CEMIP2: variants seen among roughly 807,000 people sequenced by gnomAD.
CEMIP2 encodes cell surface hyaluronidase CEMIP2.
Under a neutral mutation model 146.9 loss-of-function variants are expected in CEMIP2, and 79 were observed. The observed-to-expected ratio is 0.54, with a 90% CI of 0.45 to 0.65. The LOEUF is 0.65. Among genes scored for constraint, CEMIP2 ranks in the 30% least tolerant of loss-of-function variants. CEMIP2 has a pLI of 0.00. For missense variants in CEMIP2, 1,596 were observed against 1,696.2 expected, an observed-to-expected ratio of 0.94 and a Z score of 1.04; for synonymous variants, 601 against 606.3, an observed-to-expected ratio of 0.99 and a Z score of 0.13.
chr9:71,769,108 C>A (rs183792267), upstream of CEMIP2, among the ~76,000 whole-genome samples: 5 of 152,158 alleles, frequency 3.3e-5, no homozygotes, highest in East Asian at 3.9e-4. Flanking sequence ...CCAGCGCCCC[C>A]CGCTGCGGCT....
intron 16 of CEMIP2, 149 bp downstream of exon 16, chr9:71,711,934 G>C (rs1419603693): frequency 2.7e-6 from 2 of 748,128 alleles, no homozygotes; most frequent in African/African-American, 1.8e-5. Context: ...ATGGGAGAGA[G>C]TGCATGGAAT....
intron 11 of CEMIP2, among the ~76,000 whole-genome samples, chr9:71,723,974 T>C (rs1823314162): frequency 6.6e-6 from 1 of 152,186 alleles, no homozygotes; most frequent in Non-Finnish European, 1.5e-5. Flanking sequence ...ATATTCTTAT[T>C]AATTGAGTAA....
chr9:71,761,018 A>G (rs1188450421), intron 1 of CEMIP2, among the ~76,000 whole-genome samples: 1 of 152,174 alleles, frequency 6.6e-6, no homozygotes, highest in Non-Finnish European at 1.5e-5. Flanking sequence ...CCTTGTTCTC[A>G]ACTGGCTGGG....
chr9:71,705,907 G>A (rs984094183), intron 17 of CEMIP2, among the ~76,000 whole-genome samples: 15 of 151,792 alleles, frequency 9.9e-5, no homozygotes, highest in African/African-American at 3.6e-4. Context: ...CTTTCTCCCT[G>A]AGTACCTTTA....
chr9:71,692,687 T>C (rs1373330178), intron 21 of CEMIP2, among the ~76,000 whole-genome samples: 1 of 152,100 alleles, frequency 6.6e-6, no homozygotes, highest in Non-Finnish European at 1.5e-5. Context: ...GGCAGGAAGA[T>C]CACTTGAGCC....
At chr9:71,756,500 T>A (rs952057007) in intron 1 of CEMIP2, among the ~76,000 whole-genome samples, 15 of 137,818 alleles carry the variant, frequency 1.1e-4, no homozygotes, top group African/African-American at 2.2e-4. Flanking sequence ...TCTCTCTCTC[T>A]CTCTCTCACA....
chr9:71,723,402 T>C (rs1022288478), intron 11 of CEMIP2, among the ~76,000 whole-genome samples: 1 of 150,556 alleles, frequency 6.6e-6, no homozygotes, highest in South Asian at 2.1e-4. Context: ...ATTTCAGTAA[T>C]CCAGAAGAGA....
At chr9:71,728,193 T>TTCTCTCTCTCTCTCTCTCTCTCTC (rs369654117) in intron 10 of CEMIP2, among the ~76,000 whole-genome samples, 4 of 29,614 alleles carry the variant, frequency 1.4e-4, no homozygotes, top group African/African-American at 5.6e-4. Context: ...CAGCGAAACC[T>TTCTCTCTCTCTCTCTCTCTCTCTC]TCTCTCTCTC....
intron 13 of CEMIP2, among the ~76,000 whole-genome samples, chr9:71,717,042 C>G (rs1264388398): frequency 6.6e-6 from 1 of 152,144 alleles, no homozygotes; most frequent in Non-Finnish European, 1.5e-5. Flanking sequence ...CGTTGTGGCA[C>G]ATGCCTGTGG....
At chr9:71,704,848 A>C in intron 17 of CEMIP2, 45 bp from the exon 18 acceptor site, 1 of 1,573,156 alleles carries the variant, frequency 6.4e-7, no homozygotes, top group Non-Finnish European at 8.7e-7. Flanking sequence ...ATGAAAATTT[A>C]AACAGCTAAA....
intron 18 of CEMIP2, among the ~76,000 whole-genome samples, chr9:71,703,791 C>G (rs1264903603): frequency 1.3e-5 from 2 of 152,168 alleles, no homozygotes; most frequent in African/African-American, 4.8e-5. Flanking sequence ...AGAACTGGCC[C>G]TTTCCCAACA....
In CEMIP2 at chr9:71,731,531, C is replaced by T. The variant is rs1015727835; in HGVS notation, c.1564-617G>A. Among the ~76,000 whole-genome samples the T allele has an allele frequency of 6.6e-5, 10 of 152,126 alleles. 1 individual carries two copies. Among genetic ancestry groups the T allele is most frequent in the East Asian group, 3.9e-4 (2 of 5,186 alleles). ...ATTGCTTGAGCCCAGGAGTTCAATA[C>T]CAGCCTGGGCAACATGGCAAAACCT... On this transcript the variant is annotated intron_variant, in intron 7 of 23. Transcript: ENST00000377044.
intron 10 of CEMIP2, among the ~76,000 whole-genome samples, chr9:71,727,697 A>T (rs1194315240): frequency 6.6e-6 from 1 of 152,248 alleles, no homozygotes; most frequent in Non-Finnish European, 1.5e-5. Flanking sequence ...TTTAGGTATC[A>T]CTGCAAATTT....
chr9:71,735,272 T>C (rs747222751), intron 5 of CEMIP2, among the ~76,000 whole-genome samples: 15 of 152,108 alleles, frequency 9.9e-5, no homozygotes, highest in Non-Finnish European at 1.9e-4. Flanking sequence ...TTTTATACTT[T>C]TGAAGAAGGC....
chr9:71,722,853 C>T (rs1010918953), intron 11 of CEMIP2, among the ~76,000 whole-genome samples: 16 of 151,864 alleles, frequency 1.1e-4, no homozygotes, highest in Admixed American at 6.6e-4. Context: ...CAATCCAAAA[C>T]GATAAGCATA....
chr9:71,699,940 C>T lies in CEMIP2; in HGVS notation c.3377+702G>A, dbSNP rs577292709. Among the ~76,000 whole-genome samples, 48 of 152,300 alleles carry T rather than the reference C, an allele frequency of 3.2e-4. No homozygotes were observed. The South Asian group carries it at 9.7e-3, about 31-fold the overall frequency. ...ACTTGATTTACATGCCCACATTCCT[C>T]AATGGACGGTGAGTTTGCAGAAGAA... On this transcript the variant is annotated intron_variant, in intron 19 of 23. Transcript: ENST00000377044.
intron 4 of CEMIP2, among the ~76,000 whole-genome samples, chr9:71,741,639 T>TG (rs1463387098): frequency 7.7e-6 from 1 of 129,738 alleles, no homozygotes; most frequent in Non-Finnish European, 1.7e-5. Flanking sequence ...TGGTTTTTTT[T>TG]TTTTTTTTTT....
intron 6 of CEMIP2, 73 bp downstream of exon 6, chr9:71,734,733 G>C: frequency 7.1e-7 from 1 of 1,414,414 alleles, no homozygotes; most frequent in Non-Finnish European, 9.6e-7. Context: ...TGACTGAGAG[G>C]AAAAAGGATT....
chr9:71,698,407 T>C (rs1307075041), intron 19 of CEMIP2, among the ~76,000 whole-genome samples: 1 of 152,246 alleles, frequency 6.6e-6, no homozygotes, highest in Non-Finnish European at 1.5e-5. Context: ...CTTTAGGAAA[T>C]ATGTCATACC....
Sources: gnomAD v4.1 joint callset for allele counts (sites outside exome capture counted in the v4.1 genomes callset) on GRCh38, gnomAD v4.1.1 for gene constraint, MANE v1.5 for transcripts, NCBI Gene and HGNC (gene_info 2026-07-23, HGNC 2026-07-21) for gene names.